PCDHA1: variants seen among roughly 807,000 people sequenced by gnomAD.
The protein encoded by PCDHA1 is protocadherin alpha 1.
In PCDHA1, 42 loss-of-function variants were observed where a neutral mutation model predicts 61.3. The observed-to-expected ratio is 0.69, with a 90% CI of 0.54 to 0.89. The LOEUF is 0.89. Ranked by LOEUF, PCDHA1 falls within the 40% of genes least tolerant of loss-of-function variation. The probability of loss-of-function intolerance (pLI) is 0.00; values close to 1 mark genes in which losing one functional copy is unlikely to be tolerated. For missense variants in PCDHA1, 1,256 were observed against 1,235.3 expected, an observed-to-expected ratio of 1.02 and a Z score of -0.25; for synonymous variants, 610 against 553.8, an observed-to-expected ratio of 1.10 and a Z score of -1.43.
chr5:140,839,339 G>C (rs2085813499), intron 1 of PCDHA1, among the ~76,000 whole-genome samples: 1 of 150,974 alleles, frequency 6.6e-6, no homozygotes, highest in Non-Finnish European at 1.5e-5. Context: ...GAAGTTGATA[G>C]GGGATCCTCC....
chr5:140,922,939 T>C (rs1206981483), intron 1 of PCDHA1, among the ~76,000 whole-genome samples: 1 of 152,172 alleles, frequency 6.6e-6, no homozygotes, highest in Non-Finnish European at 1.5e-5. Flanking sequence ...CTTCCAGCAA[T>C]GGAAATCCAG....
At chr5:140,969,210 C>G in intron 1 of PCDHA1, 1 of 1,614,184 alleles carries the variant, frequency 6.2e-7, no homozygotes, top group Non-Finnish European at 8.5e-7. Context: ...GGGGCCCAGA[C>G]AGGACCAGGG....
intron 1 of PCDHA1, among the ~76,000 whole-genome samples, chr5:140,975,698 T>C (rs1298498012): frequency 6.6e-6 from 1 of 152,202 alleles, no homozygotes; most frequent in Non-Finnish European, 1.5e-5. Flanking sequence ...TTTAAACTTA[T>C]TTTACTTTAA....
chr5:140,937,835 C>T (rs782666689), intron 1 of PCDHA1, among the ~76,000 whole-genome samples: 3 of 151,520 alleles, frequency 2.0e-5, no homozygotes, highest in Non-Finnish European at 2.9e-5. Context: ...TGGCATGAAC[C>T]TGGAAGGCGG....
At chr5:140,879,375 C>T (rs2057967921) in intron 1 of PCDHA1, among the ~76,000 whole-genome samples, 1 of 152,076 alleles carries the variant, frequency 6.6e-6, no homozygotes, top group Non-Finnish European at 1.5e-5. Context: ...ACCTGCAGAA[C>T]AAGGTTGGAG....
At chr5:140,848,733 C>A (rs1554142396) in intron 1 of PCDHA1, 2 of 1,592,812 alleles carry the variant, frequency 1.3e-6, no homozygotes, top group South Asian at 2.2e-5. Flanking sequence ...GGTAAATCTG[C>A]AGAATGGCAT....
At chr5:140,899,252 C>T (rs1219703479) in intron 1 of PCDHA1, among the ~76,000 whole-genome samples, 1 of 152,142 alleles carries the variant, frequency 6.6e-6, no homozygotes, top group Non-Finnish European at 1.5e-5. Context: ...TGAGAGAGGG[C>T]ATCCCTGTCT....
intron 1 of PCDHA1, among the ~76,000 whole-genome samples, chr5:140,924,901 A>AAAAAAAATAAAT (rs369245222): frequency 1.2e-5 from 1 of 80,456 alleles, no homozygotes; most frequent in Non-Finnish European, 2.7e-5. Flanking sequence ...TCTCAAAAAA[A>AAAAAAAATAAAT]AAAATAAAAT....
chr5:140,811,516 A>T (rs1416557268), intron 1 of PCDHA1: 2 of 152,220 alleles, frequency 1.3e-5, no homozygotes, highest in Non-Finnish European at 1.5e-5. Flanking sequence ...TCCTTTAGAT[A>T]TATACCCAGT....
intron 1 of PCDHA1, among the ~76,000 whole-genome samples, chr5:140,953,120 C>T (rs2094851215): frequency 6.6e-6 from 1 of 152,154 alleles, no homozygotes; most frequent in South Asian, 2.1e-4. Context: ...GGACACAGAT[C>T]TAAACCGTAT....
intron 1 of PCDHA1, chr5:140,830,073 C>A (rs782807658): frequency 1.2e-6 from 2 of 1,613,470 alleles, no homozygotes; most frequent in African/African-American, 2.7e-5. Context: ...GCGCTGACAG[C>A]GACGGCCACG....
At chr5:140,828,896 C>G (rs138760871) in intron 1 of PCDHA1, 2 of 1,614,178 alleles carry the variant, frequency 1.2e-6, no homozygotes, top group Non-Finnish European at 1.7e-6. Flanking sequence ...TGCTTCTGAT[C>G]GGGATGAAGG....
intron 1 of PCDHA1, chr5:140,797,513 G>C: frequency 1.2e-6 from 1 of 863,744 alleles, no homozygotes; most frequent in Non-Finnish European, 1.8e-6. Flanking sequence ...TGCATTTACT[G>C]AACAATTTAT....
intron 1 of PCDHA1, chr5:140,882,808 G>A (rs1554175666): frequency 6.2e-7 from 1 of 1,614,208 alleles, no homozygotes; most frequent in Non-Finnish European, 8.5e-7. Flanking sequence ...ATTTCACTTT[G>A]GACGCACAAA....
intron 3 of PCDHA1, among the ~76,000 whole-genome samples, chr5:140,991,251 A>G (rs2097441392): frequency 6.6e-6 from 1 of 152,306 alleles, no homozygotes; most frequent in South Asian, 2.1e-4. Context: ...GCAGTATTTG[A>G]ACTCATGTCT....
chr5:140,827,193 G>A (rs1769211639), intron 1 of PCDHA1, among the ~76,000 whole-genome samples: 1 of 152,116 alleles, frequency 6.6e-6, no homozygotes, highest in Non-Finnish European at 1.5e-5. Flanking sequence ...TTCAAAACTT[G>A]GAAGTGAGTG....
In PCDHA1 at chr5:140,843,721, T is replaced by C. The variant is rs2150365557; in HGVS notation, c.2394+55037T>C. 8 of 1,563,020 alleles carry C rather than the reference T, an allele frequency of 5.1e-6. 1 individual carries two copies. Among genetic ancestry groups the C allele is most frequent in the Non-Finnish European group, 7.0e-6 (8 of 1,139,046 alleles). On this transcript the variant is annotated intron_variant, in intron 1 of 3. Coordinates refer to ENST00000504120, the MANE Select transcript of PCDHA1 (RefSeq NM_018900.4). ...ATGTTGATCATGGCCTCAAAGTAAG[T>C]CCATTTAAATTTAGAACTCATAAAT...
chr5:140,905,995 G>C (rs2072280853), intron 1 of PCDHA1, among the ~76,000 whole-genome samples: 1 of 152,114 alleles, frequency 6.6e-6, no homozygotes. Context: ...ATGTAGGCTG[G>C]GAGGCTAAGC....
intron 3 of PCDHA1, among the ~76,000 whole-genome samples, chr5:140,986,226 C>T (rs2097191326): frequency 6.6e-6 from 1 of 152,168 alleles, no homozygotes; most frequent in African/African-American, 2.4e-5. Context: ...TCTCTAGCCT[C>T]CCCTCTGTGT....
Sources: gnomAD v4.1 joint callset for allele counts (sites outside exome capture counted in the v4.1 genomes callset) on GRCh38, gnomAD v4.1.1 for gene constraint, MANE v1.5 for transcripts, NCBI Gene and HGNC (gene_info 2026-07-23, HGNC 2026-07-21) for gene names.